The following NRG3 variants were observed in gnomAD, a reference collection of about 807,000 sequenced individuals.
NRG3 encodes neuregulin 3, also known as pro-neuregulin-3, membrane-bound isoform.
In NRG3, 31 loss-of-function variants were observed where a neutral mutation model predicts 66.9. That is an observed-to-expected ratio of 0.46 (90% CI 0.35 to 0.63). NRG3 has a LOEUF of 0.63. Among genes scored for constraint, NRG3 ranks in the 20% least tolerant of loss-of-function variants. The pLI, the probability that NRG3 is intolerant of heterozygous loss-of-function variation, is 0.00. For synonymous variants in NRG3, 393 were observed against 359.4 expected (o/e 1.09, Z -1.06); for missense variants, 910 against 878.9 (o/e 1.04, Z -0.45).
intron 1 of NRG3, among the ~76,000 whole-genome samples, chr10:82,062,009 T>A (rs956099868): frequency 3.3e-5 from 5 of 152,200 alleles, no homozygotes; most frequent in African/African-American, 1.2e-4. Flanking sequence ...GTCTTTCCTT[T>A]TCTTTGCTTT....
chr10:82,213,394 C>T (rs1048599960), intron 1 of NRG3, among the ~76,000 whole-genome samples: 2 of 152,044 alleles, frequency 1.3e-5, no homozygotes, highest in Non-Finnish European at 2.9e-5. Context: ...GTTTCATGCA[C>T]AATAAATATT....
At chr10:82,279,689 G>A (rs971803236) in intron 1 of NRG3, among the ~76,000 whole-genome samples, 1 of 152,190 alleles carries the variant, frequency 6.6e-6, no homozygotes, top group Non-Finnish European at 1.5e-5. Flanking sequence ...GATTTCTCAT[G>A]AAGTTGTTTG....
chr10:82,775,649 A>G (rs1013206241), intron 3 of NRG3, among the ~76,000 whole-genome samples: 4 of 152,052 alleles, frequency 2.6e-5, no homozygotes, highest in African/African-American at 9.7e-5. Flanking sequence ...TTCAAGTTCT[A>G]TATTTTCTCA....
chr10:82,684,858 CTAAA>C (rs1195939011), intron 2 of NRG3, among the ~76,000 whole-genome samples: 2 of 152,056 alleles, frequency 1.3e-5, no homozygotes, highest in African/African-American at 2.4e-5. Flanking sequence ...AAAAAACTGA[CTAAA>C]TAGGAATGTA....
intron 1 of NRG3, among the ~76,000 whole-genome samples, chr10:82,013,895 G>A (rs1422635783): frequency 6.6e-6 from 1 of 151,998 alleles, no homozygotes; most frequent in East Asian, 1.9e-4. Flanking sequence ...AACTCAAATA[G>A]ATGAAATGTT....
intron 1 of NRG3, among the ~76,000 whole-genome samples, chr10:82,098,755 A>T (rs1045538589): frequency 2.6e-5 from 4 of 151,798 alleles, no homozygotes; most frequent in African/African-American, 7.3e-5. Flanking sequence ...ATTTATTTAG[A>T]TAGCATCTTT....
At chr10:82,634,038 G>T (rs892431860) in intron 2 of NRG3, among the ~76,000 whole-genome samples, 2 of 152,164 alleles carry the variant, frequency 1.3e-5, no homozygotes, top group Admixed American at 6.5e-5. Context: ...GGCATATAGA[G>T]ATTATGGTTC....
At chr10:82,587,205 T>G (rs2046726736) in intron 2 of NRG3, among the ~76,000 whole-genome samples, 3 of 152,206 alleles carry the variant, frequency 2.0e-5, no homozygotes, top group Admixed American at 6.5e-5. Flanking sequence ...AGAACTCAAC[T>G]GTCTTCCATT....
intron 4 of NRG3, among the ~76,000 whole-genome samples, chr10:82,922,935 C>T (rs1238938005): frequency 1.3e-5 from 2 of 152,294 alleles, no homozygotes; most frequent in African/African-American, 4.8e-5. Flanking sequence ...TCTCATCTGA[C>T]TTGCAATCCC....
intron 1 of NRG3, among the ~76,000 whole-genome samples, chr10:82,146,318 T>G (rs2132706957): frequency 6.6e-6 from 1 of 152,164 alleles, no homozygotes; most frequent in South Asian, 2.1e-4. Context: ...CAAATGTCGT[T>G]TGGGTTGTCT....
intron 1 of NRG3, among the ~76,000 whole-genome samples, chr10:82,181,753 C>A (rs1338612063): frequency 1.3e-5 from 2 of 151,702 alleles, no homozygotes; most frequent in Non-Finnish European, 3.0e-5. Flanking sequence ...TGGAATGATC[C>A]ATATTTGTTT....
chr10:81,964,415 A>G (rs1410249236), intron 1 of NRG3, among the ~76,000 whole-genome samples: 1 of 131,226 alleles, frequency 7.6e-6, no homozygotes, highest in African/African-American at 3.2e-5. Context: ...AAAAAAAAAA[A>G]AAAGAAGAAT....
intron 2 of NRG3, among the ~76,000 whole-genome samples, chr10:82,709,580 C>G (rs1045802749): frequency 1.3e-5 from 2 of 151,994 alleles, no homozygotes; most frequent in Non-Finnish European, 2.9e-5. Flanking sequence ...GGGGTTTAAC[C>G]ATGTTGACCA....
chr10:81,901,722 A>G (rs1183536808), intron 1 of NRG3, among the ~76,000 whole-genome samples: 14 of 152,202 alleles, frequency 9.2e-5, no homozygotes, highest in Non-Finnish European at 1.3e-4. Flanking sequence ...AACCTTCACC[A>G]TTGGATAGTA....
At chr10:82,788,397 C>T (rs1253987283) in intron 3 of NRG3, among the ~76,000 whole-genome samples, 1 of 152,030 alleles carries the variant, frequency 6.6e-6, no homozygotes, top group Non-Finnish European at 1.5e-5. Flanking sequence ...TGGTGAAACA[C>T]CATCTCTACT....
chr10:81,956,838 C>G (rs1288596919), intron 1 of NRG3, among the ~76,000 whole-genome samples: 1 of 152,150 alleles, frequency 6.6e-6, no homozygotes, highest in Non-Finnish European at 1.5e-5. Context: ...CTATTAGGCC[C>G]TGTGCTACCT....
chr10:82,365,706 T>A (rs980265036), intron 2 of NRG3, among the ~76,000 whole-genome samples: 1 of 151,966 alleles, frequency 6.6e-6, no homozygotes, highest in African/African-American at 2.4e-5. Flanking sequence ...TTAAGTATCA[T>A]GCAAAAAAAC....
chr10:82,008,051 G>T (rs1312220967), intron 1 of NRG3, among the ~76,000 whole-genome samples: 1 of 152,170 alleles, frequency 6.6e-6, no homozygotes. Context: ...GCCAGGCACA[G>T]CTGGTTTTGG....
intron 2 of NRG3, among the ~76,000 whole-genome samples, chr10:82,420,543 G>C (rs1442757585): frequency 6.6e-6 from 1 of 152,012 alleles, no homozygotes; most frequent in Non-Finnish European, 1.5e-5. Context: ...TTTCCTCCCA[G>C]AATACTGTAG....
Sources: gnomAD v4.1 joint callset for allele counts (sites outside exome capture counted in the v4.1 genomes callset) on GRCh38, gnomAD v4.1.1 for gene constraint, MANE v1.5 for transcripts, NCBI Gene and HGNC (gene_info 2026-07-23, HGNC 2026-07-21) for gene names.